FLI1: variants seen among roughly 807,000 people sequenced by gnomAD.
FLI1 encodes Friend leukemia integration 1 transcription factor.
Under a neutral mutation model 53.1 loss-of-function variants are expected in FLI1, and 13 were observed. That is an observed-to-expected ratio of 0.24 (90% confidence interval 0.16 to 0.39). The LOEUF is 0.39. FLI1 is among the 10% of genes least tolerant of loss of function. The probability of loss-of-function intolerance (pLI) is 1.00; values close to 1 mark genes in which losing one functional copy is unlikely to be tolerated. For synonymous variants in FLI1, 244 were observed against 236.7 expected (o/e 1.03, Z -0.28); for missense variants, 424 against 600.5 (o/e 0.71, Z 3.07).
In FLI1 at chr11:128,810,429, G is replaced by C. The variant is rs770763557; in HGVS notation, c.830-30G>C. On this transcript the variant is annotated intron_variant, in intron 8 of 8. Transcript: ENST00000527786. The surrounding 1 kb of genome is among the most constrained non-coding windows in gnomAD (Gnocchi z 6.6). ...TGCCTTCTCTGGGCTGAGGTGTTCT[G>C]TTCTCTCCCGTTTGCCTCACGGCGT... 6.4e-7 allele frequency: 1 copy of C among 1,565,744 alleles called. No individual in the cohort carries two copies. Among genetic ancestry groups the C allele is most frequent in the Non-Finnish European group, 8.7e-7 (1 of 1,155,012 alleles).
At chr11:128,743,563 C>A (rs1333236679) in intron 1 of FLI1, among the ~76,000 whole-genome samples, 2 of 150,196 alleles carry the variant, frequency 1.3e-5, no homozygotes, top group Non-Finnish European at 3.0e-5. Flanking sequence ...TTATCCATTT[C>A]CCACAAGTTT....
chr11:128,715,644 G>A (rs1938977283), intron 1 of FLI1, among the ~76,000 whole-genome samples: 2 of 152,160 alleles, frequency 1.3e-5, no homozygotes, highest in Non-Finnish European at 2.9e-5. Context: ...TTCTTGCAAT[G>A]GAAACAATAG....
intron 2 of FLI1, among the ~76,000 whole-genome samples, chr11:128,765,783 C>T (rs542172210): frequency 8.9e-4 from 135 of 152,126 alleles, no homozygotes; most frequent in African/African-American, 3.0e-3. Context: ...TGTGTGTATG[C>T]ACGCGTGTGT....
intron 1 of FLI1, among the ~76,000 whole-genome samples, chr11:128,743,486 A>G (rs1328551175): frequency 6.6e-6 from 1 of 151,648 alleles, no homozygotes; most frequent in African/African-American, 2.4e-5. Flanking sequence ...ACTGAACGGG[A>G]CAAAGGAGCT....
intron 3 of FLI1, among the ~76,000 whole-genome samples, chr11:128,769,551 A>G (rs1941477904): frequency 6.6e-6 from 1 of 152,112 alleles, no homozygotes; most frequent in African/African-American, 2.4e-5. Flanking sequence ...ATATCCCTGG[A>G]TTACAGCTGC....
At chr11:128,707,444 G>A (rs572619615) in intron 1 of FLI1, among the ~76,000 whole-genome samples, 3 of 152,308 alleles carry the variant, frequency 2.0e-5, no homozygotes, top group Admixed American at 1.3e-4. Context: ...TTTCTAGAAA[G>A]GAGAGGGAGA....
intron 5 of FLI1, among the ~76,000 whole-genome samples, chr11:128,790,963 C>G (rs909977543): frequency 6.6e-6 from 1 of 152,042 alleles, no homozygotes; most frequent in Non-Finnish European, 1.5e-5. Flanking sequence ...GGGTGACCAC[C>G]TAGAGTTCAA....
chr11:128,728,753 G>A (rs1939578340), intron 1 of FLI1, among the ~76,000 whole-genome samples: 1 of 152,204 alleles, frequency 6.6e-6, no homozygotes, highest in African/African-American at 2.4e-5. Flanking sequence ...CATTTGCCCT[G>A]GTGGGCATCC....
intron 5 of FLI1, among the ~76,000 whole-genome samples, chr11:128,802,303 C>T (rs1051977337): frequency 6.6e-6 from 1 of 152,324 alleles, no homozygotes; most frequent in East Asian, 1.9e-4. Flanking sequence ...CCTCGAGCCC[C>T]AGAGCCTACG....
At chr11:128,714,799 C>T (rs1032655061) in intron 1 of FLI1, among the ~76,000 whole-genome samples, 1 of 150,138 alleles carries the variant, frequency 6.7e-6, no homozygotes, top group African/African-American at 2.5e-5. Context: ...ACCTCCGCCT[C>T]CCAGGTTCAA....
intron 4 of FLI1, 120 bp downstream of exon 4, chr11:128,773,105 C>A: frequency 1.1e-6 from 1 of 914,058 alleles, no homozygotes; most frequent in Non-Finnish European, 1.7e-6. Flanking sequence ...CATCGTGGGG[C>A]CTGTAGTGTT....
At position 128,768,007 on chromosome 11, in the gene FLI1, G is replaced by A. The variant is rs1373775702; in HGVS notation, c.231-111G>A. On this transcript the variant is annotated intron_variant, in intron 2 of 8. Coordinates refer to ENST00000527786, the MANE Select transcript of FLI1 (RefSeq NM_002017.5). ...CATCATCATGACACCAAGTGTGGCC[G>A]GGCAATGGCTCCATGCTCATCATCG... The A allele has an allele frequency of 4.4e-5, 40 of 903,394 alleles. 1 individual carries two copies. Among genetic ancestry groups the A allele is most frequent in the South Asian group, 3.6e-4 (20 of 55,202 alleles). The allele number at this position is 903,394 out of a possible 1,614,324, so 56.0% of individuals were successfully genotyped here.
chr11:128,694,360 C>CGTTGCCCCGCCGCTTA, intron 1 of FLI1, 84 bp downstream of exon 1: 1 of 1,101,290 alleles, frequency 9.1e-7, no homozygotes, highest in South Asian at 3.7e-5. Flanking sequence ...GGCCCGCGTC[C>CGTTGCCCCGCCGCTTA]CGGAAGACGT....
chr11:128,737,832 G>A (rs777956318), intron 1 of FLI1, among the ~76,000 whole-genome samples: 3 of 152,176 alleles, frequency 2.0e-5, no homozygotes, highest in East Asian at 1.9e-4. Flanking sequence ...ACAAATGCTC[G>A]GAGCTTATGA....
intron 1 of FLI1, among the ~76,000 whole-genome samples, chr11:128,697,541 T>C (rs1046895558): frequency 3.3e-5 from 5 of 152,172 alleles, no homozygotes; most frequent in African/African-American, 1.2e-4. Flanking sequence ...ATTAACTTCA[T>C]GTGCCTTATA....
At chr11:128,785,074 T>G (rs1942042977) in intron 5 of FLI1, among the ~76,000 whole-genome samples, 1 of 152,242 alleles carries the variant, frequency 6.6e-6, no homozygotes, top group African/African-American at 2.4e-5. Flanking sequence ...TAGGGGTTAT[T>G]TGTGCCCAGG....
chr11:128,736,696 C>A (rs1183323746), intron 1 of FLI1, among the ~76,000 whole-genome samples: 1 of 152,202 alleles, frequency 6.6e-6, no homozygotes, highest in East Asian at 1.9e-4. Flanking sequence ...ATATAATCAA[C>A]AGAAAATTTT....
At chr11:128,693,588 C>A (rs1937854588), upstream of FLI1, among the ~76,000 whole-genome samples, 1 of 151,748 alleles carries the variant, frequency 6.6e-6, no homozygotes, top group South Asian at 2.1e-4. Flanking sequence ...TGGGAAGAAA[C>A]GGAAAGTGAA....
upstream of FLI1, among the ~76,000 whole-genome samples, chr11:128,689,938 A>C (rs1177547500): frequency 6.8e-6 from 1 of 147,820 alleles, no homozygotes; most frequent in Non-Finnish European, 1.5e-5. Flanking sequence ...CAGCGTGGGG[A>C]GCGGGCCAGG....
Sources: gnomAD v4.1 joint callset for allele counts (sites outside exome capture counted in the v4.1 genomes callset) on GRCh38, gnomAD v4.1.1 for gene constraint, Gnocchi (gnomAD v3.1) non-coding constraint, MANE v1.5 for transcripts, NCBI Gene and HGNC (gene_info 2026-07-23, HGNC 2026-07-21) for gene names.